SLC45A4: variants seen among roughly 807,000 people sequenced by gnomAD.
SLC45A4 encodes the protein polyamine-transporter SLC45A4.
In SLC45A4, 32 loss-of-function variants were observed where a neutral mutation model predicts 63.7. The observed-to-expected ratio is 0.50, with a 90% CI of 0.38 to 0.67. SLC45A4 has a LOEUF of 0.67. SLC45A4 is among the 30% of genes least tolerant of loss of function. The pLI is 0.00. For synonymous variants in SLC45A4, 535 were observed against 510.0 expected (o/e 1.05, Z -0.66); for missense variants, 1,027 against 1,157.7 (o/e 0.89, Z 1.64).
chr8:141,272,270 G>A (rs1337641202), intron 1 of SLC45A4, among the ~76,000 whole-genome samples: 2 of 152,214 alleles, frequency 1.3e-5, no homozygotes, highest in Non-Finnish European at 2.9e-5. Context: ...CACAGGTCAG[G>A]ACAGTCCCCA....
At chr8:141,267,813 A>G (rs1016713782) in intron 1 of SLC45A4, among the ~76,000 whole-genome samples, 8 of 150,240 alleles carry the variant, frequency 5.3e-5, no homozygotes, top group Non-Finnish European at 1.2e-4. Flanking sequence ...GGACAACACC[A>G]AAAGCAGGTG....
intron 2 of SLC45A4, among the ~76,000 whole-genome samples, chr8:141,246,170 C>T (rs555182052): frequency 2.8e-4 from 43 of 152,274 alleles, no homozygotes; most frequent in South Asian, 1.2e-3. Flanking sequence ...ATTGAGACAA[C>T]GGGAAAAATT....
At chr8:141,281,007 C>T (rs534856893) in intron 1 of SLC45A4, among the ~76,000 whole-genome samples, 5 of 152,354 alleles carry the variant, frequency 3.3e-5, no homozygotes, top group African/African-American at 7.2e-5. Flanking sequence ...CAGCATCGCA[C>T]GAGTTCCCCT....
chr8:141,220,204 T>C (rs140725031), intron 3 of SLC45A4, among the ~76,000 whole-genome samples: 181 of 152,266 alleles, frequency 1.2e-3, no homozygotes, highest in Non-Finnish European at 1.7e-3. Flanking sequence ...CACATGGTAG[T>C]GCAGACGCCC....
intron 2 of SLC45A4, among the ~76,000 whole-genome samples, chr8:141,233,392 T>A (rs1310752932): frequency 6.6e-6 from 1 of 151,922 alleles, no homozygotes; most frequent in Non-Finnish European, 1.5e-5. Context: ...ATTTAAAAAT[T>A]AAAAAAAACA....
At position 141,294,014 on chromosome 8, in the gene SLC45A4, T is replaced by C. The variant is rs561032491; in HGVS notation, c.-401+14082A>G. 5.3e-4 allele frequency among the ~76,000 whole-genome samples: 80 copies of C among 151,756 alleles called. 1 individual carries two copies. In the South Asian group the frequency reaches 0.016, roughly 31 times the overall value. ...GAAGAAAAAGTGAGAAAAAATGGTT[T>C]GAACAAGGGTTGAGACATCTGGTTT... On this transcript the variant is annotated intron_variant, in intron 1 of 8. Transcript: ENST00000517878.
At chr8:141,279,960 G>A (rs1207442249) in intron 1 of SLC45A4, among the ~76,000 whole-genome samples, 3 of 152,260 alleles carry the variant, frequency 2.0e-5, no homozygotes, top group Non-Finnish European at 4.4e-5. Flanking sequence ...CATGAGAAGT[G>A]AAAGCTGCCA....
rs560449028 is a variant in SLC45A4, at chr8:141,239,413, A to G, written c.241+14576T>C. Among the ~76,000 whole-genome samples, 7 of 152,320 alleles carry G rather than the reference A, an allele frequency of 4.6e-5. No individual in the cohort carries two copies. The South Asian group carries it at 8.3e-4, about 18-fold the overall frequency. On this transcript the variant is annotated intron_variant, in intron 2 of 8. Transcript: ENST00000517878. ...CTGAACTGCAGAAGTGCACTATTAA[A>G]ATACTTGCCAACCTCCCAGGCAAGG...
At position 141,271,859 on chromosome 8, in the gene SLC45A4, ACACG is replaced by A. The variant is rs1364946818; in HGVS notation, c.-400-17234_-400-17231del. On this transcript the variant is annotated intron_variant, in intron 1 of 8. Coordinates refer to ENST00000517878, the MANE Select transcript of SLC45A4 (RefSeq NM_001286646.2). Reference sequence around the variant, plus strand: ...AACACACACCTGTGTACACACACACACACGCACTCACACACGTGCATGCAACACA... The same window carrying A: ...AACACACACCTGTGTACACACACACACACTCACACACGTGCATGCAACACA... Among the ~76,000 whole-genome samples the A allele has an allele frequency of 6.5e-3, 982 of 152,148 alleles. 13 individuals are homozygous for A. Among genetic ancestry groups the A allele is most frequent in the African/African-American group, 0.023 (955 of 41,476 alleles).
intron 1 of SLC45A4, among the ~76,000 whole-genome samples, chr8:141,277,609 T>C (rs1191316089): frequency 2.0e-5 from 3 of 148,576 alleles, no homozygotes; most frequent in African/African-American, 7.4e-5. Flanking sequence ...CTTTTACTCT[T>C]AAAAAAAAAA....
At chr8:141,294,830 C>T (rs1830484889) in intron 1 of SLC45A4, among the ~76,000 whole-genome samples, 1 of 152,354 alleles carries the variant, frequency 6.6e-6, no homozygotes, top group South Asian at 2.1e-4. Flanking sequence ...TAAGTCACCA[C>T]TTGCAGAGCC....
Position 141,256,877 on chromosome 8 carries a change from A to G in SLC45A4, c.-400-2248T>C. 1 of 341,112 alleles carries G rather than the reference A, an allele frequency of 2.9e-6. No homozygotes were observed. 21.1% of individuals were successfully genotyped at this position (341,112 alleles called of 1,614,324 possible). A position where few individuals can be genotyped will look rare whatever the true frequency, so the allele number is the denominator to read the frequency against. ...AATGAAACTTTTTTTTTTTTTTGAG[A>G]CAGTCTCGCTCTGTTGCCCAGGCTG... On this transcript the variant is annotated intron_variant, in intron 1 of 8. Transcript: ENST00000517878. The surrounding 1 kb of genome is among the most constrained non-coding windows in gnomAD (Gnocchi z 4.3).
At chr8:141,217,809 C>T (rs1460125824) in intron 5 of SLC45A4, among the ~76,000 whole-genome samples, 1 of 152,204 alleles carries the variant, frequency 6.6e-6, no homozygotes, top group East Asian at 1.9e-4. Context: ...CCCCATGACC[C>T]CAGGACGGCC....
At chr8:141,268,513 G>A (rs894333105) in intron 1 of SLC45A4, among the ~76,000 whole-genome samples, 7 of 152,164 alleles carry the variant, frequency 4.6e-5, no homozygotes, top group African/African-American at 9.7e-5. Flanking sequence ...TCTGGCCGGC[G>A]ACACAGACAC....
intron 2 of SLC45A4, chr8:141,228,547 G>A: frequency 7.9e-7 from 1 of 1,273,260 alleles, no homozygotes; most frequent in Non-Finnish European, 1.0e-6. Context: ...CCCCGCAGCT[G>A]GAGCATGGGC....
intron 1 of SLC45A4, among the ~76,000 whole-genome samples, chr8:141,272,925 C>G (rs1829596037): frequency 6.6e-6 from 1 of 152,208 alleles, no homozygotes; most frequent in Non-Finnish European, 1.5e-5. Context: ...ACTCCACTTT[C>G]TAAAATTTAA....
chr8:141,286,749 C>T (rs1830162248), intron 1 of SLC45A4, among the ~76,000 whole-genome samples: 1 of 144,380 alleles, frequency 6.9e-6, no homozygotes, highest in South Asian at 2.3e-4. Flanking sequence ...CCCCCCCGCT[C>T]CCCACCACCG....
intron 2 of SLC45A4, among the ~76,000 whole-genome samples, chr8:141,244,689 G>A (rs1230128350): frequency 1.3e-5 from 2 of 152,134 alleles, no homozygotes; most frequent in Admixed American, 6.5e-5. Context: ...CCTGGAGATG[G>A]GCTGTATTTC....
chr8:141,216,503 A>T (rs1365688510), intron 6 of SLC45A4, among the ~76,000 whole-genome samples: 1 of 152,214 alleles, frequency 6.6e-6, no homozygotes. Context: ...GCCGTTTACC[A>T]ATGCGCCGGC....
Sources: gnomAD v4.1 joint callset for allele counts (sites outside exome capture counted in the v4.1 genomes callset) on GRCh38, gnomAD v4.1.1 for gene constraint, Gnocchi (gnomAD v3.1) non-coding constraint, MANE v1.5 for transcripts, NCBI Gene and HGNC (gene_info 2026-07-23, HGNC 2026-07-21) for gene names.